The following PTPN2 variants were observed in gnomAD, a reference collection of about 807,000 sequenced individuals.
PTPN2 encodes tyrosine-protein phosphatase non-receptor type 2.
Under a neutral mutation model 57.3 loss-of-function variants are expected in PTPN2, and 19 were observed. The observed-to-expected ratio is 0.33, with a 90% CI of 0.23 to 0.49. The LOEUF (loss-of-function observed/expected upper bound fraction) is 0.49, where lower values mean the gene tolerates loss of function less well. Among genes scored for constraint, PTPN2 ranks in the 20% least tolerant of loss-of-function variants. PTPN2 has a pLI of 0.99. For missense variants in PTPN2, 358 were observed against 501.1 expected (o/e 0.71, Z 2.73); for synonymous variants, 153 against 164.9 (o/e 0.93, Z 0.55).
At chr18:12,827,628 T>C (rs1196455234) in intron 4 of PTPN2, among the ~76,000 whole-genome samples, 1 of 151,220 alleles carries the variant, frequency 6.6e-6, no homozygotes, top group African/African-American at 2.4e-5. Context: ...CAAGTGACCC[T>C]CCTGCCTCAG....
chr18:12,873,301 C>G (rs1390761767), intron 1 of PTPN2, among the ~76,000 whole-genome samples: 1 of 151,780 alleles, frequency 6.6e-6, no homozygotes, highest in Non-Finnish European at 1.5e-5. Flanking sequence ...CACGGTCTCC[C>G]TCTCCCTCTC....
intron 4 of PTPN2, among the ~76,000 whole-genome samples, chr18:12,828,820 C>T (rs1441988146): frequency 1.3e-5 from 2 of 152,154 alleles, no homozygotes; most frequent in African/African-American, 4.8e-5. Context: ...AACCAAAACT[C>T]CTTAGAGAAA....
At chr18:12,873,542 G>A (rs909059056) in intron 1 of PTPN2, among the ~76,000 whole-genome samples, 3 of 152,222 alleles carry the variant, frequency 2.0e-5, no homozygotes, top group South Asian at 2.1e-4. Context: ...CGCCAGCCTC[G>A]GCCTCCGGAG....
At chr18:12,801,374 A>ATGGT (rs1378481149) in intron 8 of PTPN2, among the ~76,000 whole-genome samples, 2 of 151,994 alleles carry the variant, frequency 1.3e-5, no homozygotes, top group Non-Finnish European at 2.9e-5. Flanking sequence ...TTAGCTGGAC[A>ATGGT]TGGTGGTGGG....
chr18:12,883,957 G>A (rs1172251907), intron 1 of PTPN2, 116 bp downstream of exon 1: 24 of 854,510 alleles, frequency 2.8e-5, no homozygotes, highest in Non-Finnish European at 3.9e-5. Context: ...CGCCACTTCC[G>A]CCCCGAGCGA....
rs1395399977 is a variant in PTPN2, at chr18:12,884,109, C to T, written c.33G>A (p.Glu11=). 3.1e-6 allele frequency: 5 copies of T among 1,588,606 alleles called. No individual in the cohort carries two copies. Among genetic ancestry groups the T allele is most frequent in the South Asian group, 1.1e-5 (1 of 87,462 alleles). MPTTIEREFE[E]LDTQRRWQPL... ...GCTGCCAGCGACGCTGAGTATCCAA[C>T]TCTTCGAACTCCCGCTCGATGGTGG... The change falls in exon 1 of 9, where the codon GAG becomes GAA. Residue 11 remains glutamate (E), a synonymous_variant. Coordinates refer to ENST00000309660, the MANE Select transcript of PTPN2 (RefSeq NM_002828.4).
Position 12,884,143 on chromosome 18 carries a change from G to C in PTPN2, c.-2C>G, listed in dbSNP as rs1463925344. 3 of 1,581,158 alleles carry C rather than the reference G, an allele frequency of 1.9e-6. No individual in the cohort carries two copies. In the Admixed American group the frequency reaches 5.4e-5, roughly 28 times the overall value. On this transcript the variant is annotated 5_prime_UTR_variant, in exon 1 of 9. Coordinates refer to ENST00000309660, the MANE Select transcript of PTPN2 (RefSeq NM_002828.4). The stretch of plus-strand genomic sequence containing the variant: ...CTCCCGCTCGATGGTGGTGGGCATG[G>C]CTGCGGGAGCGAGCTGGCGCGAGCA...
chr18:12,803,463 C>CA (rs1332532983), intron 7 of PTPN2, among the ~76,000 whole-genome samples: 2 of 151,886 alleles, frequency 1.3e-5, no homozygotes, highest in South Asian at 4.1e-4. Flanking sequence ...GATGAAAAAA[C>CA]AAAAAACAAA....
intron 2 of PTPN2, among the ~76,000 whole-genome samples, chr18:12,847,138 A>G (rs1170551762): frequency 6.6e-6 from 1 of 152,208 alleles, no homozygotes; most frequent in Non-Finnish European, 1.5e-5. Context: ...AGAGATGAAC[A>G]GGGGCAAGAA....
chr18:12,844,142 A>T lies in PTPN2; in HGVS notation c.161-7251T>A, dbSNP rs548533141. Among the ~76,000 whole-genome samples the T allele has an allele frequency of 2.0e-5, 3 of 152,346 alleles. No individual in the cohort carries two copies. The South Asian group carries it at 6.2e-4, about 32-fold the overall frequency. On this transcript the variant is annotated intron_variant, in intron 2 of 8. Transcript: ENST00000309660. ...TTCTTCCTTTTTATTGCTGAGTAGT[A>T]TTCTGTGTTATGAATATACCATAGT...
At chr18:12,789,856 CTG>C (rs869258551), downstream of PTPN2, among the ~76,000 whole-genome samples, 84 of 107,676 alleles carry the variant, frequency 7.8e-4, no homozygotes, top group East Asian at 2.9e-3. Flanking sequence ...ATATATCTCT[CTG>C]TATGTGTGTG....
intron 7 of PTPN2, among the ~76,000 whole-genome samples, chr18:12,804,306 A>AAG (rs1555659761): frequency 3.3e-5 from 5 of 150,540 alleles, no homozygotes; most frequent in African/African-American, 1.2e-4. Context: ...AAAAAAAAAA[A>AAG]AAAGAAAAAG....
chr18:12,866,594 T>G (rs2044002747), intron 1 of PTPN2, among the ~76,000 whole-genome samples: 1 of 152,188 alleles, frequency 6.6e-6, no homozygotes, highest in Non-Finnish European at 1.5e-5. Flanking sequence ...GGAGAATAAC[T>G]GTATGTACCC....
intron 3 of PTPN2, among the ~76,000 whole-genome samples, chr18:12,835,382 C>CTTTCTTTT (rs2042821259): frequency 1.0e-5 from 1 of 99,030 alleles, no homozygotes; most frequent in African/African-American, 4.2e-5. Flanking sequence ...TCACATATGT[C>CTTTCTTTT]TTTTTTTTTT....
In PTPN2 at chr18:12,826,311, G is replaced by A. The variant is rs557698473; in HGVS notation, c.361-367C>T. Among the ~76,000 whole-genome samples the A allele has an allele frequency of 1.1e-3, 172 of 152,234 alleles. 1 individual carries two copies. Among genetic ancestry groups the A allele is most frequent in the Non-Finnish European group, 2.1e-3 (143 of 68,006 alleles). The stretch of plus-strand genomic sequence containing the variant: ...CCAGCTACTTGTGAGAGTGAGGCAG[G>A]AGAATCGCTTGAACCCAGGAGGTGG... On this transcript the variant is annotated intron_variant, in intron 4 of 8. Transcript: ENST00000309660.
chr18:12,856,336 G>C (rs891773286), intron 2 of PTPN2, among the ~76,000 whole-genome samples: 4 of 152,194 alleles, frequency 2.6e-5, no homozygotes, highest in Non-Finnish European at 5.9e-5. Flanking sequence ...CTGTGGCTAC[G>C]TGAGAAGCAA....
chr18:12,834,851 G>C (rs1476400521), intron 3 of PTPN2, among the ~76,000 whole-genome samples: 1 of 152,136 alleles, frequency 6.6e-6, no homozygotes, highest in Non-Finnish European at 1.5e-5. Context: ...AGGGATCTAG[G>C]GTGGTAATTC....
chr18:12,842,626 A>G (rs779467328), intron 2 of PTPN2, among the ~76,000 whole-genome samples: 9 of 152,150 alleles, frequency 5.9e-5, no homozygotes, highest in Non-Finnish European at 1.3e-4. Context: ...CATACCTAAC[A>G]TGTCTGAGGG....
intron 5 of PTPN2, among the ~76,000 whole-genome samples, chr18:12,819,876 C>T (rs2042213262): frequency 6.6e-6 from 1 of 152,080 alleles, no homozygotes; most frequent in African/African-American, 2.4e-5. Context: ...GTTAAGATTC[C>T]AGTGGATGTT....
Sources: gnomAD v4.1 joint callset for allele counts (sites outside exome capture counted in the v4.1 genomes callset) on GRCh38, gnomAD v4.1.1 for gene constraint, MANE v1.5 for transcripts, NCBI Gene and HGNC (gene_info 2026-07-23, HGNC 2026-07-21) for gene names.